Variants in CAMK1D observed in about 807,000 individuals in gnomAD.
The protein encoded by CAMK1D is calcium/calmodulin-dependent protein kinase type 1D.
In CAMK1D, 9 loss-of-function variants were observed where a neutral mutation model predicts 47.7. That is an observed-to-expected ratio of 0.19 (90% CI 0.11 to 0.33). The LOEUF (loss-of-function observed/expected upper bound fraction) is 0.33, where lower values mean the gene tolerates loss of function less well. CAMK1D is among the 10% of genes least tolerant of loss of function. The pLI is 1.00. For missense variants in CAMK1D, 291 were observed against 488.7 expected (o/e 0.60, Z 3.81); for synonymous variants, 184 against 184.9 (o/e 0.99, Z 0.04).
At chr10:12,763,985 G>T (rs1293411062) in intron 4 of CAMK1D, among the ~76,000 whole-genome samples, 1 of 152,088 alleles carries the variant, frequency 6.6e-6, no homozygotes, top group Non-Finnish European at 1.5e-5. Context: ...GATCGGGGAT[G>T]GGGCCTCCCA....
chr10:12,421,651 A>G (rs1257907824), intron 1 of CAMK1D, among the ~76,000 whole-genome samples: 3 of 140,900 alleles, frequency 2.1e-5, no homozygotes, highest in South Asian at 2.3e-4. Flanking sequence ...TCAGCCTCCC[A>G]AGTAGCTGGG....
rs898890235 is a variant in CAMK1D at position 12,627,645 on chromosome 10, AT to A, written c.225-39082del. Among the ~76,000 whole-genome samples the A allele has an allele frequency of 1.8e-4, 27 of 151,202 alleles. No individual in the cohort carries two copies. The South Asian group carries it at 2.3e-3, about 13-fold the overall frequency. Reference sequence around the variant, plus strand: ...TCATGTAAATGGAATCATAGAGCACATTTTTTTTTGTATCTTTCACTCAGCA... The same window carrying A: ...TCATGTAAATGGAATCATAGAGCACATTTTTTTTGTATCTTTCACTCAGCA... On this transcript the variant is annotated intron_variant, in intron 2 of 10. Transcript: ENST00000619168.
At chr10:12,499,857 G>T (rs1463299443) in intron 1 of CAMK1D, among the ~76,000 whole-genome samples, 1 of 152,158 alleles carries the variant, frequency 6.6e-6, no homozygotes, top group Non-Finnish European at 1.5e-5. Flanking sequence ...ACTGGCCATG[G>T]TCTATTCAAG....
intron 3 of CAMK1D, among the ~76,000 whole-genome samples, chr10:12,745,266 G>A (rs149500570): frequency 1.2e-3 from 178 of 152,260 alleles, no homozygotes; most frequent in Non-Finnish European, 1.9e-3. Flanking sequence ...TCCTGATCTC[G>A]TGATCCGCCC....
intron 1 of CAMK1D, among the ~76,000 whole-genome samples, chr10:12,463,282 C>T (rs181109266): frequency 2.8e-3 from 433 of 152,044 alleles, no homozygotes; most frequent in Non-Finnish European, 4.7e-3. Context: ...AGATTAGAGG[C>T]GCACACCACC....
chr10:12,407,763 C>T (rs1191849690), intron 1 of CAMK1D, among the ~76,000 whole-genome samples: 1 of 151,656 alleles, frequency 6.6e-6, no homozygotes, highest in East Asian at 1.9e-4. Flanking sequence ...TACAATGATT[C>T]AAGCTCTAGG....
At chr10:12,694,073 A>T (rs186965752) in intron 3 of CAMK1D, among the ~76,000 whole-genome samples, 2,334 of 33,288 alleles carry the variant, frequency 0.07, 149 homozygotes, top group Non-Finnish European at 0.095. Context: ...TAATATATAA[A>T]AAATATTATG....
chr10:12,396,227 C>T (rs2801491), intron 1 of CAMK1D, among the ~76,000 whole-genome samples: 2,521 of 152,220 alleles, frequency 0.017, 72 homozygotes, highest in African/African-American at 0.057. Context: ...CTCCTTAACT[C>T]GGAGCAGCAG....
At position 12,521,916 on chromosome 10, in the gene CAMK1D, A is replaced by G. The variant is rs985796876; in HGVS notation, c.93-31309A>G. On this transcript the variant is annotated intron_variant, in intron 1 of 10. Coordinates refer to ENST00000619168, the MANE Select transcript of CAMK1D (RefSeq NM_153498.4). ...TTCATTTTTCTTTTGGTTAGTATGC[A>G]TGATACTTCTTCTCCCATCCTTTTA... Among the ~76,000 whole-genome samples the G allele has an allele frequency of 2.6e-4, 40 of 152,004 alleles. 1 individual carries two copies. The highest frequency in any genetic ancestry group is 2.6e-3 in the Admixed American group (39 of 15,260).
intron 1 of CAMK1D, among the ~76,000 whole-genome samples, chr10:12,407,685 CT>C (rs1380049129): frequency 6.6e-6 from 1 of 152,190 alleles, no homozygotes. Flanking sequence ...AGGAGATTTA[CT>C]TTCCCATTTC....
intron 8 of CAMK1D, among the ~76,000 whole-genome samples, chr10:12,818,511 A>G (rs1181564321): frequency 1.3e-5 from 2 of 152,050 alleles, no homozygotes; most frequent in African/African-American, 4.8e-5. Context: ...TGTCTACTAA[A>G]AATACAAAAA....
intron 1 of CAMK1D, among the ~76,000 whole-genome samples, chr10:12,381,108 G>A (rs11257754): frequency 0.14 from 21,505 of 152,190 alleles, 1,593 homozygotes; most frequent in South Asian, 0.2. Context: ...AAAGGAAGTA[G>A]GAATGAAAAG....
At chr10:12,415,602 CT>C (rs1189400257) in intron 1 of CAMK1D, among the ~76,000 whole-genome samples, 1 of 151,638 alleles carries the variant, frequency 6.6e-6, no homozygotes, top group Non-Finnish European at 1.5e-5. Flanking sequence ...GCCTGGCCCC[CT>C]GTATTTATAT....
chr10:12,624,862 A>G (rs938768380), intron 2 of CAMK1D, among the ~76,000 whole-genome samples: 1 of 152,168 alleles, frequency 6.6e-6, no homozygotes, highest in Admixed American at 6.5e-5. Flanking sequence ...ATGGCACAGC[A>G]GGTAGGGTAT....
At chr10:12,515,408 T>TC (rs1835169117) in intron 1 of CAMK1D, among the ~76,000 whole-genome samples, 1 of 80,398 alleles carries the variant, frequency 1.2e-5, no homozygotes, top group African/African-American at 5.0e-5. Flanking sequence ...TTTTCTTTTT[T>TC]TTTTTTTTTC....
chr10:12,713,449 C>G (rs1459901771), intron 3 of CAMK1D, among the ~76,000 whole-genome samples: 1 of 152,170 alleles, frequency 6.6e-6, no homozygotes, highest in Non-Finnish European at 1.5e-5. Context: ...CCATTGCTAA[C>G]TGGCTTCTCA....
At chr10:12,560,709 C>T (rs9787708) in intron 2 of CAMK1D, among the ~76,000 whole-genome samples, 1 of 152,036 alleles carries the variant, frequency 6.6e-6, no homozygotes, top group Non-Finnish European at 1.5e-5. Flanking sequence ...AAGGATCAAT[C>T]TGAGCTGCTT....
At chr10:12,615,555 T>C (rs935592062) in intron 2 of CAMK1D, among the ~76,000 whole-genome samples, 4 of 144,494 alleles carry the variant, frequency 2.8e-5, no homozygotes, top group Admixed American at 6.9e-5. Flanking sequence ...TGTGTAGTTA[T>C]GTGTGTATAT....
chr10:12,494,039 G>C (rs1228475086), intron 1 of CAMK1D, among the ~76,000 whole-genome samples: 1 of 152,190 alleles, frequency 6.6e-6, no homozygotes, highest in Non-Finnish European at 1.5e-5. Flanking sequence ...TTGAGACCTG[G>C]GTTAATGTAG....
Sources: allele counts gnomAD v4.1 joint callset (sites outside exome capture counted in the v4.1 genomes callset), GRCh38; gene constraint gnomAD v4.1.1; transcripts MANE v1.5; gene names NCBI Gene and HGNC (gene_info 2026-07-23, HGNC 2026-07-21).